The following AGAP1 variants were observed in gnomAD, a reference collection of about 807,000 sequenced individuals.
AGAP1 encodes arf-GAP with GTPase, ANK repeat and PH domain-containing protein 1.
In AGAP1, 29 loss-of-function variants were observed where a neutral mutation model predicts 105.3. The observed-to-expected ratio is 0.28, with a 90% CI of 0.21 to 0.38. The LOEUF is 0.38. Ranked by LOEUF, AGAP1 falls within the 10% of genes least tolerant of loss-of-function variation. AGAP1 has a pLI of 1.00. For synonymous variants in AGAP1, 509 were observed against 485.9 expected (o/e 1.05, Z -0.63); for missense variants, 998 against 1,165.1 (o/e 0.86, Z 2.09).
intron 5 of AGAP1, among the ~76,000 whole-genome samples, chr2:235,746,871 C>A (rs549477702): frequency 6.6e-6 from 1 of 152,128 alleles, no homozygotes; most frequent in Admixed American, 6.6e-5. Context: ...TGGAAAGATC[C>A]CCTGCGATCA....
chr2:235,587,954 G>A (rs1415055138), intron 1 of AGAP1, among the ~76,000 whole-genome samples: 2 of 152,084 alleles, frequency 1.3e-5, no homozygotes, highest in African/African-American at 4.8e-5. Context: ...TTGTGGCCGG[G>A]TGTGGTGGCT....
intron 1 of AGAP1, among the ~76,000 whole-genome samples, chr2:235,580,877 G>A (rs755851323): frequency 1.3e-5 from 2 of 152,100 alleles, no homozygotes; most frequent in African/African-American, 2.4e-5. Flanking sequence ...TCTTGCTCTC[G>A]ACCTTAGGGT....
At chr2:235,537,721 T>C (rs1192881149) in intron 1 of AGAP1, among the ~76,000 whole-genome samples, 2 of 152,234 alleles carry the variant, frequency 1.3e-5, no homozygotes, top group Admixed American at 6.5e-5. Flanking sequence ...ATCTCAGCAA[T>C]TGCGATACCA....
chr2:236,014,960 A>G lies in AGAP1; in HGVS notation c.1646-21601A>G, dbSNP rs748774675. 3 of 309,462 alleles carry G rather than the reference A, an allele frequency of 9.7e-6. No homozygotes were observed. Among genetic ancestry groups the G allele is most frequent in the Non-Finnish European group, 2.0e-5 (3 of 148,826 alleles). The allele number at this position is 309,462 out of a possible 1,614,324, so 19.2% of individuals were successfully genotyped here. A position where few individuals can be genotyped will look rare whatever the true frequency, so the allele number is the denominator to read the frequency against. On this transcript the variant is annotated intron_variant, in intron 13 of 17. Coordinates refer to ENST00000304032, the MANE Select transcript of AGAP1 (RefSeq NM_001037131.3). This position sits in a 1 kb window ranked among gnomAD's most constrained non-coding sequence, Gnocchi z 6.3. ...TCCCCTGCCCGCCCCTTCCTTTCCA[A>G]CACAGGCATGGAAATGCAATTTGCC...
In AGAP1 at chr2:235,615,411, T is replaced by G. The variant is rs933795674; in HGVS notation, c.164-93768T>G. Among the ~76,000 whole-genome samples, 1 of 152,254 alleles carries G rather than the reference T, an allele frequency of 6.6e-6. No homozygotes were observed. Among genetic ancestry groups the G allele is most frequent in the Non-Finnish European group, 1.5e-5 (1 of 68,048 alleles). ...ACCAAAAGTTGGAATGATCCCATTC[T>G]TTACTCACAGCCTGAGCTATTTTTT... On this transcript the variant is annotated intron_variant, in intron 1 of 17. Coordinates refer to ENST00000304032, the MANE Select transcript of AGAP1 (RefSeq NM_001037131.3). The surrounding 1 kb of genome is among the most constrained non-coding windows in gnomAD (Gnocchi z 5.0).
At chr2:235,529,707 T>C (rs988957485) in intron 1 of AGAP1, among the ~76,000 whole-genome samples, 4 of 152,182 alleles carry the variant, frequency 2.6e-5, no homozygotes, top group African/African-American at 9.6e-5. Flanking sequence ...TTTGTCTACA[T>C]GTGAATCCTC....
chr2:236,031,920 C>A (rs1420945742), intron 13 of AGAP1, among the ~76,000 whole-genome samples: 2 of 152,176 alleles, frequency 1.3e-5, no homozygotes, highest in South Asian at 2.1e-4. Context: ...ACACTCACAG[C>A]CTTCACTTTC....
chr2:235,797,676 G>A (rs576060271), intron 6 of AGAP1, 83 bp from the exon 7 acceptor site: 28 of 1,541,912 alleles, frequency 1.8e-5, no homozygotes, highest in African/African-American at 5.5e-5. Flanking sequence ...AACAGATTTC[G>A]ACAACAGACT....
In AGAP1 at chr2:236,087,884, G is replaced by A. The variant is rs139345891; in HGVS notation, c.2115-32308G>A. 5.9e-5 allele frequency among the ~76,000 whole-genome samples: 9 copies of A among 152,288 alleles called. No homozygotes were observed. Among genetic ancestry groups the A allele is most frequent in the African/African-American group, 1.7e-4 (7 of 41,538 alleles). On this transcript the variant is annotated intron_variant, in intron 16 of 17. Transcript: ENST00000304032. This position sits in a 1 kb window ranked among gnomAD's most constrained non-coding sequence, Gnocchi z 5.7. Reference sequence around the variant, plus strand: ...GAGACGTTACAGCAGGTCCTCTCTGGTTGGGACCTGCTTAAAGATGTGTAA... The same window carrying A: ...GAGACGTTACAGCAGGTCCTCTCTGATTGGGACCTGCTTAAAGATGTGTAA...
At chr2:235,668,031 A>T (rs536679098) in intron 1 of AGAP1, among the ~76,000 whole-genome samples, 4 of 149,862 alleles carry the variant, frequency 2.7e-5, no homozygotes, top group Admixed American at 1.3e-4. Context: ...TGTCTTGGAG[A>T]CCCCTCCTTA....
intron 2 of AGAP1, among the ~76,000 whole-genome samples, chr2:235,710,048 G>A (rs1950770554): frequency 6.6e-6 from 1 of 152,200 alleles, no homozygotes; most frequent in South Asian, 2.1e-4. Flanking sequence ...GTGTGTGTAT[G>A]TATTTTCTAA....
At chr2:235,940,687 G>T (rs1024335229) in intron 12 of AGAP1, among the ~76,000 whole-genome samples, 1 of 152,232 alleles carries the variant, frequency 6.6e-6, no homozygotes. Flanking sequence ...CTCCTACCCA[G>T]TCACAAGTGG....
intron 13 of AGAP1, among the ~76,000 whole-genome samples, chr2:236,034,459 G>A (rs1559211184): frequency 6.6e-6 from 1 of 152,072 alleles, no homozygotes; most frequent in Non-Finnish European, 1.5e-5. Flanking sequence ...GGTGGCGGGG[G>A]TGGGGTGGTC....
chr2:235,588,058 C>T (rs185555782), intron 1 of AGAP1, among the ~76,000 whole-genome samples: 6 of 152,084 alleles, frequency 3.9e-5, no homozygotes, highest in African/African-American at 9.6e-5. Flanking sequence ...AGTGAAACCC[C>T]GTCTCTACTA....
At chr2:236,065,965 GTGGCACTGTGGTCGGC>G (rs2058334160) in intron 16 of AGAP1, among the ~76,000 whole-genome samples, 1 of 152,210 alleles carries the variant, frequency 6.6e-6, no homozygotes, top group African/African-American at 2.4e-5. Context: ...GATGGCCAGG[GTGGCACTGTGGTCGGC>G]ATGTGTCAGC....
chr2:235,526,724 G>T lies in AGAP1; in HGVS notation c.163+31875G>T, dbSNP rs1482099506. On this transcript the variant is annotated intron_variant, in intron 1 of 17. Transcript: ENST00000304032. ...ACTGATGAGGACCTGAACAACATGG[G>T]TGATGGGTAAAAGGTCATTGCCACC... Among the ~76,000 whole-genome samples, 6 of 152,196 alleles carry T rather than the reference G, an allele frequency of 3.9e-5. 1 individual carries two copies. The highest frequency in any genetic ancestry group is 8.8e-5 in the Non-Finnish European group (6 of 68,036).
chr2:235,697,419 C>T (rs1950047730), intron 1 of AGAP1, among the ~76,000 whole-genome samples: 1 of 152,184 alleles, frequency 6.6e-6, no homozygotes, highest in Non-Finnish European at 1.5e-5. Flanking sequence ...GTGCCCAGTG[C>T]CCCCACTTCC....
chr2:235,797,932 A>C, intron 7 of AGAP1, 46 bp downstream of exon 7: 2 of 1,607,396 alleles, frequency 1.2e-6, no homozygotes, highest in Non-Finnish European at 1.7e-6. Context: ...ACCAAAGACA[A>C]TATGCAAATA....
intron 9 of AGAP1, among the ~76,000 whole-genome samples, chr2:235,835,699 C>T (rs1428920580): frequency 6.6e-6 from 1 of 152,222 alleles, no homozygotes; most frequent in Non-Finnish European, 1.5e-5. Flanking sequence ...GTGCTGGGCA[C>T]TTTACAACAA....
Sources: gnomAD v4.1 joint callset for allele counts (sites outside exome capture counted in the v4.1 genomes callset) on GRCh38, gnomAD v4.1.1 for gene constraint, Gnocchi (gnomAD v3.1) non-coding constraint, MANE v1.5 for transcripts, NCBI Gene and HGNC (gene_info 2026-07-23, HGNC 2026-07-21) for gene names.